Variants in GRM8 observed in about 807,000 individuals in gnomAD.
GRM8 encodes the protein metabotropic glutamate receptor 8.
A neutral mutation model predicts 87.2 loss-of-function variants in GRM8; 47 were observed. That is an observed-to-expected ratio of 0.54 (90% CI 0.43 to 0.69). The LOEUF is 0.69. Ranked by LOEUF, GRM8 falls within the 30% of genes least tolerant of loss-of-function variation. The pLI is 0.00. For missense variants in GRM8, 1,019 were observed against 1,139.2 expected (o/e 0.89, Z 1.52); for synonymous variants, 396 against 404.5 (o/e 0.98, Z 0.25).
intron 3 of GRM8, among the ~76,000 whole-genome samples, chr7:127,052,165 A>G (rs1423404778): frequency 6.6e-6 from 1 of 152,182 alleles, no homozygotes; most frequent in African/African-American, 2.4e-5. Flanking sequence ...ATTTTGTGTT[A>G]GCTCTTTGGT....
intron 7 of GRM8, among the ~76,000 whole-genome samples, chr7:126,618,911 T>G (rs1406191291): frequency 1.3e-5 from 2 of 152,154 alleles, no homozygotes; most frequent in East Asian, 3.9e-4. Context: ...CAGGAACACT[T>G]TTACACTGTT....
intron 7 of GRM8, among the ~76,000 whole-genome samples, chr7:126,754,888 T>G (rs545585601): frequency 6.6e-6 from 1 of 151,938 alleles, no homozygotes; most frequent in African/African-American, 2.4e-5. Context: ...ATTTTCTGCT[T>G]CAGTACCAGT....
At chr7:126,737,838 C>G (rs770492437) in intron 7 of GRM8, among the ~76,000 whole-genome samples, 2 of 152,030 alleles carry the variant, frequency 1.3e-5, no homozygotes, top group Non-Finnish European at 2.9e-5. Context: ...AGTAACTTTG[C>G]AATTCAATTG....
intron 3 of GRM8, chr7:127,076,019 C>T (rs1378555394): frequency 1.1e-5 from 4 of 378,832 alleles, no homozygotes; most frequent in Non-Finnish European, 2.1e-5. Context: ...TTAGGCTTTA[C>T]AATTGTTAAA....
At chr7:126,713,023 T>A (rs1283009801) in intron 7 of GRM8, among the ~76,000 whole-genome samples, 1 of 152,162 alleles carries the variant, frequency 6.6e-6, no homozygotes, top group Non-Finnish European at 1.5e-5. Context: ...TCAACTATTG[T>A]GGAAGGCAGT....
chr7:127,169,079 G>GA (rs369660368), intron 2 of GRM8, among the ~76,000 whole-genome samples: 52 of 144,804 alleles, frequency 3.6e-4, no homozygotes, highest in African/African-American at 7.3e-4. Flanking sequence ...AATAAGCCAG[G>GA]AAAAAAAAAA....
At chr7:126,537,191 TAAGC>T (rs1562934983) in intron 8 of GRM8, among the ~76,000 whole-genome samples, 1 of 152,138 alleles carries the variant, frequency 6.6e-6, no homozygotes, top group Non-Finnish European at 1.5e-5. Context: ...AGTAAAAAAA[TAAGC>T]AATATGTGTA....
chr7:126,850,185 C>T (rs1006447368), intron 6 of GRM8, among the ~76,000 whole-genome samples: 24 of 152,212 alleles, frequency 1.6e-4, no homozygotes, highest in Non-Finnish European at 4.4e-5. Context: ...CAGTCCTTGT[C>T]TTATTTGACC....
chr7:126,837,513 T>C (rs1005975384), intron 6 of GRM8, among the ~76,000 whole-genome samples: 9 of 152,200 alleles, frequency 5.9e-5, no homozygotes, highest in African/African-American at 2.2e-4. Context: ...GGACTTACTG[T>C]CTAAGTTATT....
intron 9 of GRM8, among the ~76,000 whole-genome samples, chr7:126,497,155 C>A (rs753248339): frequency 4.0e-5 from 6 of 151,622 alleles, no homozygotes; most frequent in Non-Finnish European, 7.4e-5. Flanking sequence ...TACCAGAGAG[C>A]CAACATCCCT....
At chr7:126,482,089 A>G (rs1314122477) in intron 9 of GRM8, among the ~76,000 whole-genome samples, 1 of 152,060 alleles carries the variant, frequency 6.6e-6, no homozygotes, top group Non-Finnish European at 1.5e-5. Flanking sequence ...GAAAATGCAA[A>G]TCATAAGTAT....
At position 127,029,409 on chromosome 7, in the gene GRM8, A is replaced by G. The variant is rs560741649; in HGVS notation, c.727+77087T>C. On this transcript the variant is annotated intron_variant, in intron 3 of 10. Transcript: ENST00000339582. ...TCCTTGTTAATTTTCTGTCTCATTGATCTGTCTAATATTGACAGTGGTGTG... is the reference window on the plus strand; with the variant it reads ...TCCTTGTTAATTTTCTGTCTCATTGGTCTGTCTAATATTGACAGTGGTGTG... Among the ~76,000 whole-genome samples, 3 of 152,298 alleles carry G rather than the reference A, an allele frequency of 2.0e-5. No homozygotes were observed. In the South Asian group the frequency reaches 6.2e-4, roughly 32 times the overall value.
intron 2 of GRM8, among the ~76,000 whole-genome samples, chr7:127,214,217 T>C (rs2116654364): frequency 6.6e-6 from 1 of 152,304 alleles, no homozygotes; most frequent in South Asian, 2.1e-4. Context: ...CTTGGAGTAA[T>C]ACTAGTTGAC....
chr7:126,641,952 G>C (rs1802437966), intron 7 of GRM8, among the ~76,000 whole-genome samples: 1 of 152,140 alleles, frequency 6.6e-6, no homozygotes, highest in South Asian at 2.1e-4. Context: ...TCATTGGCAA[G>C]ACTGTCATGG....
intron 2 of GRM8, chr7:127,215,129 C>A (rs1796444719): frequency 6.6e-6 from 1 of 152,208 alleles, no homozygotes; most frequent in Non-Finnish European, 1.5e-5. Context: ...AGAGCCCCAG[C>A]TGTGGGAACA....
At chr7:126,489,579 G>A (rs1807766660) in intron 9 of GRM8, among the ~76,000 whole-genome samples, 1 of 152,020 alleles carries the variant, frequency 6.6e-6, no homozygotes, top group African/African-American at 2.4e-5. Flanking sequence ...ACGTATTACA[G>A]ATTTATACAG....
Position 127,198,837 on chromosome 7 carries a change from A to ATTT in GRM8, c.510+43855_510+43857dup, listed in dbSNP as rs35710456. Among the ~76,000 whole-genome samples the ATTT allele has an allele frequency of 1.0e-3, 129 of 125,800 alleles. 1 individual carries two copies. Among genetic ancestry groups the ATTT allele is most frequent in the African/African-American group, 3.9e-3 (129 of 32,800 alleles). 82.5% of individuals were successfully genotyped at this position (125,800 alleles called of 152,430 possible). On this transcript the variant is annotated intron_variant, in intron 2 of 10. Coordinates refer to ENST00000339582, the MANE Select transcript of GRM8 (RefSeq NM_000845.3). ...TTACAGGCAAGCACCACCGTGCCTA[A>ATTT]TTTTTTTTTTTTTTTTTTTTGAGAC...
At chr7:126,452,685 C>A (rs1036904100) in intron 9 of GRM8, among the ~76,000 whole-genome samples, 3 of 151,674 alleles carry the variant, frequency 2.0e-5, no homozygotes, top group Non-Finnish European at 4.4e-5. Context: ...ACATAATGCC[C>A]TTTTAAACAG....
chr7:127,126,876 C>T (rs1393777653), intron 2 of GRM8, among the ~76,000 whole-genome samples: 1 of 151,862 alleles, frequency 6.6e-6, no homozygotes, highest in Non-Finnish European at 1.5e-5. Context: ...AGAACTCTTA[C>T]AACTCATAAC....
Sources: allele counts gnomAD v4.1 joint callset (sites outside exome capture counted in the v4.1 genomes callset), GRCh38; gene constraint gnomAD v4.1.1; transcripts MANE v1.5; gene names NCBI Gene and HGNC (gene_info 2026-07-23, HGNC 2026-07-21).